SNAP91: variants seen among roughly 807,000 people sequenced by gnomAD.
SNAP91 encodes synaptosome associated protein 91, also known as clathrin coat assembly protein AP180.
Under a neutral mutation model 100.3 loss-of-function variants are expected in SNAP91, and 27 were observed. The ratio of observed to expected loss-of-function variants is 0.27; its 90% CI spans 0.20 to 0.37. The LOEUF is 0.37. Ranked by LOEUF, SNAP91 falls within the 10% of genes least tolerant of loss-of-function variation. The pLI is 1.00. For synonymous variants in SNAP91, 404 were observed against 398.6 expected (o/e 1.01, Z -0.16); for missense variants, 986 against 1,123.7 (o/e 0.88, Z 1.75).
chr6:83,664,674 GTGAACA>G (rs2098642246), intron 3 of SNAP91, among the ~76,000 whole-genome samples: 1 of 152,138 alleles, frequency 6.6e-6, no homozygotes, highest in Non-Finnish European at 1.5e-5. Context: ...TAAAGATACT[GTGAACA>G]TTGTTGAAAT....
intron 7 of SNAP91, among the ~76,000 whole-genome samples, chr6:83,654,408 C>T (rs2098330031): frequency 6.6e-6 from 1 of 152,208 alleles, no homozygotes; most frequent in Non-Finnish European, 1.5e-5. Flanking sequence ...TTCTAAGCTC[C>T]TTCCATGTGG....
At chr6:83,692,183 G>A (rs1054902987) in intron 2 of SNAP91, among the ~76,000 whole-genome samples, 3 of 152,134 alleles carry the variant, frequency 2.0e-5, no homozygotes, top group Admixed American at 6.5e-5. Flanking sequence ...CTCTAATAAC[G>A]ATAATTTATA....
chr6:83,674,368 A>T (rs1263182621), intron 2 of SNAP91, among the ~76,000 whole-genome samples: 1 of 152,140 alleles, frequency 6.6e-6, no homozygotes, highest in African/African-American at 2.4e-5. Flanking sequence ...AGGGAGGCAG[A>T]GGTTGCTGTG....
intron 2 of SNAP91, 72 bp from the exon 3 acceptor site, chr6:83,665,653 T>A (rs2098666815): frequency 1.4e-6 from 2 of 1,397,986 alleles, no homozygotes; most frequent in South Asian, 2.5e-5. Context: ...ACTTGGAACA[T>A]ATAAGCCTGT....
At chr6:83,654,724 C>T (rs2098342534) in intron 7 of SNAP91, among the ~76,000 whole-genome samples, 1 of 152,134 alleles carries the variant, frequency 6.6e-6, no homozygotes, top group South Asian at 2.1e-4. Flanking sequence ...TCTCAGTATA[C>T]TCGCATATTT....
rs1417249058 is a variant in SNAP91 at position 83,575,124 on chromosome 6, A to C, written c.2331-3T>G. 1 of 1,587,480 alleles carries C rather than the reference A, an allele frequency of 6.3e-7. No individual in the cohort carries two copies. Among genetic ancestry groups the C allele is most frequent in the African/African-American group, 1.3e-5 (1 of 74,584 alleles). Reference sequence around the variant, plus strand: ...CAGCATTCCACTGAAGATCTCCCCTAAAATTAACCATGCAAAACAAGCAAA... The same window carrying C: ...CAGCATTCCACTGAAGATCTCCCCTCAAATTAACCATGCAAAACAAGCAAA... On this transcript the variant is annotated splice_region_variant and splice_polypyrimidine_tract_variant and intron_variant, in intron 25 of 29. Coordinates refer to ENST00000369694, the MANE Select transcript of SNAP91 (RefSeq NM_001242792.2).
chr6:83,621,345 A>T (rs2096720895), intron 9 of SNAP91, among the ~76,000 whole-genome samples: 1 of 152,208 alleles, frequency 6.6e-6, no homozygotes, highest in African/African-American at 2.4e-5. Context: ...TCACATAAAA[A>T]TAAATGTTAA....
chr6:83,614,930 T>C, intron 10 of SNAP91, 68 bp from the exon 11 acceptor site: 2 of 1,306,070 alleles, frequency 1.5e-6, no homozygotes, highest in Non-Finnish European at 2.1e-6. Context: ...TCATTTATTT[T>C]AAAAAATAGG....
At chr6:83,647,601 G>T (rs2097993198) in intron 7 of SNAP91, among the ~76,000 whole-genome samples, 1 of 151,904 alleles carries the variant, frequency 6.6e-6, no homozygotes, top group Non-Finnish European at 1.5e-5. Context: ...TTTCATCGAG[G>T]ATTTTTCAAC....
At chr6:83,556,397 A>AGAGAGGG (rs1562072085) in intron 28 of SNAP91, among the ~76,000 whole-genome samples, 152 bp from the exon 29 acceptor site, 6 of 38,208 alleles carry the variant, frequency 1.6e-4, no homozygotes, top group African/African-American at 5.6e-4. Context: ...GAGAGAGAGA[A>AGAGAGGG]AAGCATTAGG....
intron 22 of SNAP91, among the ~76,000 whole-genome samples, chr6:83,584,310 T>C (rs185031461): frequency 9.9e-5 from 15 of 152,238 alleles, no homozygotes; most frequent in Admixed American, 3.9e-4. Context: ...ATATTAGTGA[T>C]GGAAAGGGCC....
chr6:83,677,072 G>C (rs1245571621), intron 2 of SNAP91, among the ~76,000 whole-genome samples: 1 of 152,156 alleles, frequency 6.6e-6, no homozygotes, highest in Admixed American at 6.6e-5. Context: ...CACTGTAGGT[G>C]AGCCGTGCTT....
chr6:83,670,521 A>G (rs2098766097), intron 2 of SNAP91, among the ~76,000 whole-genome samples: 1 of 151,892 alleles, frequency 6.6e-6, no homozygotes, highest in Non-Finnish European at 1.5e-5. Context: ...TTGAAAGAAC[A>G]GAAATTTTTA....
chr6:83,638,043 C>A (rs1206201424), intron 8 of SNAP91, among the ~76,000 whole-genome samples: 148 of 152,190 alleles, frequency 9.7e-4, no homozygotes, highest in Non-Finnish European at 8.8e-5. Flanking sequence ...TTGGGAGGGG[C>A]CAGCAGGTGA....
chr6:83,639,935 C>T (rs2097615222), intron 8 of SNAP91, among the ~76,000 whole-genome samples: 1 of 151,980 alleles, frequency 6.6e-6, no homozygotes, highest in Non-Finnish European at 1.5e-5. Context: ...ATACAAAAAA[C>T]ACCTGTATAG....
chr6:83,563,064 A>T (rs1562103930), intron 26 of SNAP91, among the ~76,000 whole-genome samples: 1 of 152,220 alleles, frequency 6.6e-6, no homozygotes, highest in Non-Finnish European at 1.5e-5. Flanking sequence ...AATAAACAAC[A>T]CAAGTTAGAC....
intron 2 of SNAP91, among the ~76,000 whole-genome samples, chr6:83,700,409 T>A (rs1299448857): frequency 2.0e-5 from 3 of 152,024 alleles, no homozygotes; most frequent in African/African-American, 7.2e-5. Context: ...GTACTAGTAA[T>A]GTTTATTATT....
rs777001350 is a variant in SNAP91, at chr6:83,576,076, A to C, written c.2300-23T>G. ...GATCTATAAATGGATAAAAGAAAAA[A>C]GAATGTAAATCTCTACACTCAGTTT... is the stretch of plus-strand genomic sequence containing the variant. On this transcript the variant is annotated intron_variant, in intron 24 of 29. Transcript: ENST00000369694. The C allele has an allele frequency of 3.3e-6, 4 of 1,226,902 alleles. No homozygotes were observed. In the South Asian group the frequency reaches 5.6e-5, roughly 17 times the overall value. The allele number at this position is 1,226,902 out of a possible 1,614,324, so 76.0% of individuals were successfully genotyped here.
At chr6:83,582,603 G>A (rs1830080382) in intron 22 of SNAP91, among the ~76,000 whole-genome samples, 2 of 152,068 alleles carry the variant, frequency 1.3e-5, no homozygotes, top group Non-Finnish European at 2.9e-5. Context: ...CTTATTAAGA[G>A]AAACTATGGC....
Sources: gnomAD v4.1 joint callset for allele counts (sites outside exome capture counted in the v4.1 genomes callset) on GRCh38, gnomAD v4.1.1 for gene constraint, MANE v1.5 for transcripts, NCBI Gene and HGNC (gene_info 2026-07-23, HGNC 2026-07-21) for gene names.